Variants in AGAP1 observed in about 807,000 individuals in gnomAD.
AGAP1 encodes arf-GAP with GTPase, ANK repeat and PH domain-containing protein 1.
Under a neutral mutation model 105.3 loss-of-function variants are expected in AGAP1, and 29 were observed. That is an observed-to-expected ratio of 0.28 (90% CI 0.21 to 0.38). The LOEUF is 0.38. Among genes scored for constraint, AGAP1 ranks in the 10% least tolerant of loss-of-function variants. The pLI is 1.00. For missense variants in AGAP1, 998 were observed against 1,165.1 expected (o/e 0.86, Z 2.09); for synonymous variants, 509 against 485.9 (o/e 1.05, Z -0.63).
intron 9 of AGAP1, among the ~76,000 whole-genome samples, chr2:235,848,790 G>A (rs1961818553): frequency 6.6e-6 from 1 of 152,142 alleles, no homozygotes; most frequent in Non-Finnish European, 1.5e-5. Flanking sequence ...TTTCCCCCCA[G>A]CTAGTAAGTA....
Position 236,101,696 on chromosome 2 carries a change from C to A in AGAP1, c.2115-18496C>A, listed in dbSNP as rs1405909959. Among the ~76,000 whole-genome samples the A allele has an allele frequency of 6.6e-6, 1 of 152,228 alleles. No homozygotes were observed. Among genetic ancestry groups the A allele is most frequent in the Non-Finnish European group, 1.5e-5 (1 of 68,044 alleles). On this transcript the variant is annotated intron_variant, in intron 16 of 17. Coordinates refer to ENST00000304032, the MANE Select transcript of AGAP1 (RefSeq NM_001037131.3). This position sits in a 1 kb window ranked among gnomAD's most constrained non-coding sequence, Gnocchi z 4.9. ...TATGTTCCAAAGCCGATCACATCAG[C>A]CGCTGTTATGGTGAACGGAATTCAC...
At chr2:235,624,003 A>G (rs748938625) in intron 1 of AGAP1, among the ~76,000 whole-genome samples, 1 of 152,190 alleles carries the variant, frequency 6.6e-6, no homozygotes, top group Non-Finnish European at 1.5e-5. Context: ...CTAACAGAAG[A>G]ACACCAAAAT....
intron 12 of AGAP1, among the ~76,000 whole-genome samples, chr2:235,948,417 T>C (rs932589672): frequency 2.0e-5 from 3 of 152,154 alleles, no homozygotes; most frequent in African/African-American, 4.8e-5. Flanking sequence ...ACTCCTGAGC[T>C]TCTGTGTTCC....
In AGAP1 at chr2:235,960,985, G is replaced by A. The variant is rs906729166; in HGVS notation, c.1484-7477G>A. On this transcript the variant is annotated intron_variant, in intron 12 of 17. Coordinates refer to ENST00000304032, the MANE Select transcript of AGAP1 (RefSeq NM_001037131.3). This position sits in a 1 kb window ranked among gnomAD's most constrained non-coding sequence, Gnocchi z 4.9. ...AAAGTGGTCCGTTCCATCCACCCGC[G>A]CAAGTGTCTGTCACACAGAGGTTAG... Among the ~76,000 whole-genome samples the A allele has an allele frequency of 3.3e-5, 5 of 152,178 alleles. No homozygotes were observed. Among genetic ancestry groups the A allele is most frequent in the Admixed American group, 2.0e-4 (3 of 15,286 alleles).
intron 1 of AGAP1, among the ~76,000 whole-genome samples, chr2:235,570,333 T>C (rs1944474914): frequency 1.3e-5 from 2 of 152,128 alleles, no homozygotes; most frequent in South Asian, 4.1e-4. Context: ...GGGCAGGAGG[T>C]TCCTTTCAAG....
rs1361868739 is a variant in AGAP1 at position 235,963,233 on chromosome 2, T to C, written c.1484-5229T>C. ...AGAAAGCTTAGAAATGAGAGGGCCC[T>C]GTCCCTGTCAACTGTTTTGCAAAAA... On this transcript the variant is annotated intron_variant, in intron 12 of 17. Coordinates refer to ENST00000304032, the MANE Select transcript of AGAP1 (RefSeq NM_001037131.3). The surrounding 1 kb of genome is among the most constrained non-coding windows in gnomAD (Gnocchi z 5.1). 2.7e-5 allele frequency among the ~76,000 whole-genome samples: 4 copies of C among 150,778 alleles called. No individual in the cohort carries two copies. The highest frequency in any genetic ancestry group is 2.0e-4 in the Admixed American group (3 of 15,206).
At position 235,741,762 on chromosome 2, in the gene AGAP1, T is replaced by A. The variant is rs1469439451; in HGVS notation, c.396+714T>A. Among the ~76,000 whole-genome samples, 1 of 133,836 alleles carries A rather than the reference T, an allele frequency of 7.5e-6. No homozygotes were observed. The highest frequency in any genetic ancestry group is 2.0e-4 in the East Asian group (1 of 5,002). 87.8% of individuals were successfully genotyped at this position (133,836 alleles called of 152,430 possible). A position where few individuals can be genotyped will look rare whatever the true frequency, so the allele number is the denominator to read the frequency against. On this transcript the variant is annotated intron_variant, in intron 4 of 17. Coordinates refer to ENST00000304032, the MANE Select transcript of AGAP1 (RefSeq NM_001037131.3). This position sits in a 1 kb window ranked among gnomAD's most constrained non-coding sequence, Gnocchi z 4.9. ...ATTGTTATTTTTTATTATTTATTTA[T>A]TTTTTTTTTTTGAGACAGTCTCGCT...
chr2:235,678,686 A>C lies in AGAP1; in HGVS notation c.164-30493A>C, dbSNP rs576260678. On this transcript the variant is annotated intron_variant, in intron 1 of 17. Coordinates refer to ENST00000304032, the MANE Select transcript of AGAP1 (RefSeq NM_001037131.3). The stretch of plus-strand genomic sequence containing the variant: ...GTAGTTTTCTCCCAGGCTTAAAGGA[A>C]GATATTTGTCTGGAGTTTCTTTGGA... Among the ~76,000 whole-genome samples, 6 of 152,164 alleles carry C rather than the reference A, an allele frequency of 3.9e-5. No individual in the cohort carries two copies. In the South Asian group the frequency reaches 1.2e-3, roughly 32 times the overall value.
rs115670475 is a variant in AGAP1, at chr2:236,067,486, A to G, written c.2114+18205A>G. Among the ~76,000 whole-genome samples, 549 of 152,348 alleles carry G rather than the reference A, an allele frequency of 3.6e-3. 5 individuals are homozygous for G. The highest frequency in any genetic ancestry group is 0.013 in the African/African-American group (527 of 41,584). On this transcript the variant is annotated intron_variant, in intron 16 of 17. Transcript: ENST00000304032. ...TATGTCTACCTGTCATATTTGCTAT[A>G]ATGCTAAATCAGGTGGGCAGGACAA...
chr2:235,931,012 A>T lies in AGAP1; in HGVS notation c.1483+89A>T. 6.8e-7 allele frequency: 1 copy of T among 1,460,834 alleles called. No individual in the cohort carries two copies. Among genetic ancestry groups the T allele is most frequent in the South Asian group, 1.4e-5 (1 of 73,662 alleles). 90.5% of individuals were successfully genotyped at this position (1,460,834 alleles called of 1,614,324 possible). The stretch of plus-strand genomic sequence containing the variant: ...GCTGGACAGGACGCCCTAAGCTCTC[A>T]TGCTCCTCTGGGAGCGCAGCACCCT... On this transcript the variant is annotated intron_variant, in intron 12 of 17. Coordinates refer to ENST00000304032, the MANE Select transcript of AGAP1 (RefSeq NM_001037131.3). The surrounding 1 kb of genome is among the most constrained non-coding windows in gnomAD (Gnocchi z 5.6).
intron 1 of AGAP1, among the ~76,000 whole-genome samples, chr2:235,672,066 T>C (rs1948464732): frequency 6.6e-6 from 1 of 152,134 alleles, no homozygotes; most frequent in African/African-American, 2.4e-5. Context: ...AAAAATATTA[T>C]TCATCCTCTT....
chr2:235,890,835 T>G (rs2050503507), intron 10 of AGAP1, among the ~76,000 whole-genome samples: 1 of 151,770 alleles, frequency 6.6e-6, no homozygotes, highest in South Asian at 2.1e-4. Flanking sequence ...CTCTAAAACT[T>G]TCACCAAAAA....
At chr2:235,670,625 AG>A in intron 1 of AGAP1, 3 of 608,532 alleles carry the variant, frequency 4.9e-6, no homozygotes, top group Non-Finnish European at 8.8e-6. Context: ...AAGGCGCCAC[AG>A]CAGCTCCGGG....
rs1559440416 is a variant in AGAP1 at position 235,754,926 on chromosome 2, T to TG, written c.673+4443dup. Among the ~76,000 whole-genome samples, 1 of 152,250 alleles carries TG rather than the reference T, an allele frequency of 6.6e-6. No homozygotes were observed. Among genetic ancestry groups the TG allele is most frequent in the Non-Finnish European group, 1.5e-5 (1 of 68,034 alleles). On this transcript the variant is annotated intron_variant, in intron 6 of 17. Coordinates refer to ENST00000304032, the MANE Select transcript of AGAP1 (RefSeq NM_001037131.3). The surrounding 1 kb of genome is among the most constrained non-coding windows in gnomAD (Gnocchi z 4.6). ...AAGTGTGGCAGCCCAGGCTGCTTTC[T>TG]GGGGGTGGAGCGTTCTCGCTCCTGC...
intron 13 of AGAP1, among the ~76,000 whole-genome samples, chr2:236,004,569 C>G (rs1236655809): frequency 6.6e-6 from 1 of 152,180 alleles, no homozygotes; most frequent in Non-Finnish European, 1.5e-5. Flanking sequence ...TACCCTCCTC[C>G]CACAATTCCA....
chr2:235,619,385 G>T (rs994450363), intron 1 of AGAP1, among the ~76,000 whole-genome samples: 11 of 148,038 alleles, frequency 7.4e-5, no homozygotes, highest in African/African-American at 1.8e-4. Context: ...GGGCTGAAGT[G>T]GGGGAGCTGG....
intron 1 of AGAP1, among the ~76,000 whole-genome samples, chr2:235,671,756 C>T (rs1162255169): frequency 6.6e-6 from 1 of 152,234 alleles, no homozygotes; most frequent in Non-Finnish European, 1.5e-5. Flanking sequence ...GCCCTGCAGC[C>T]TGTTCTGAAA....
chr2:235,752,620 A>C lies in AGAP1; in HGVS notation c.673+2132A>C, dbSNP rs1239770300. Among the ~76,000 whole-genome samples, 1 of 152,198 alleles carries C rather than the reference A, an allele frequency of 6.6e-6. No individual in the cohort carries two copies. ...GAATATTCACTCTCTGGCCCCGTGC[A>C]GAGAGCTTGCCGGTCCCCGATGCAG... is the stretch of plus-strand genomic sequence containing the variant. On this transcript the variant is annotated intron_variant, in intron 6 of 17. Transcript: ENST00000304032. The surrounding 1 kb of genome is among the most constrained non-coding windows in gnomAD (Gnocchi z 4.3).
At chr2:235,913,649 TTTTATCTTCCAGTTTTTC>T (rs1413998891) in intron 11 of AGAP1, among the ~76,000 whole-genome samples, 1 of 152,190 alleles carries the variant, frequency 6.6e-6, no homozygotes, top group Non-Finnish European at 1.5e-5. Flanking sequence ...AATATTTCTC[TTTTATCTTCCAGTTTTTC>T]TTGGCTACTG....
Sources: gnomAD v4.1 joint callset for allele counts (sites outside exome capture counted in the v4.1 genomes callset) on GRCh38, gnomAD v4.1.1 for gene constraint, Gnocchi (gnomAD v3.1) non-coding constraint, MANE v1.5 for transcripts, NCBI Gene and HGNC (gene_info 2026-07-23, HGNC 2026-07-21) for gene names.